The following NUP210 variants were observed in gnomAD, a reference collection of about 807,000 sequenced individuals.
NUP210 encodes the protein nucleoporin 210.
NUP210 carries 151 observed loss-of-function variants against 196.0 expected under a neutral mutation model. That is an observed-to-expected ratio of 0.77 (90% CI 0.67 to 0.88). NUP210 has a LOEUF of 0.88. NUP210 is among the 40% of genes least tolerant of loss of function. NUP210 has a pLI of 0.00. For missense variants in NUP210, 2,314 were observed against 2,493.7 expected (o/e 0.93, Z 1.53); for synonymous variants, 1,070 against 1,052.7 (o/e 1.02, Z -0.32).
chr3:13,395,025 C>G (rs953183593), intron 3 of NUP210, among the ~76,000 whole-genome samples: 2 of 152,116 alleles, frequency 1.3e-5, no homozygotes, highest in African/African-American at 4.8e-5. Context: ...TTGACATGGG[C>G]TACTGGTGAA....
intron 1 of NUP210, among the ~76,000 whole-genome samples, chr3:13,407,421 C>G (rs1207151233): frequency 2.0e-5 from 3 of 152,140 alleles, no homozygotes; most frequent in Admixed American, 6.5e-5. Context: ...GCCCTCCTCA[C>G]AGGCCTCCCA....
At chr3:13,322,059 C>T (rs1031936660) in intron 35 of NUP210, 134 bp downstream of exon 35, 1 of 1,250,544 alleles carries the variant, frequency 8.0e-7, no homozygotes. Flanking sequence ...GGCGTCAATC[C>T]CCAGGCTGGG....
At chr3:13,371,707 T>C (rs528990528) in intron 13 of NUP210, 127 bp downstream of exon 13, 4 of 825,046 alleles carry the variant, frequency 4.8e-6, no homozygotes, top group Non-Finnish European at 7.8e-6. Context: ...ACAACTGCCA[T>C]TCCTTATGTT....
At chr3:13,409,471 G>A (rs1247947553) in intron 1 of NUP210, among the ~76,000 whole-genome samples, 1 of 152,128 alleles carries the variant, frequency 6.6e-6, no homozygotes, top group African/African-American at 2.4e-5. Flanking sequence ...TGACCATGCT[G>A]GTACCATCTT....
At position 13,335,509 on chromosome 3, in the gene NUP210, G is replaced by A. The variant is rs1166335192; in HGVS notation, c.3788C>T (p.Thr1263Ile). The A allele has an allele frequency of 1.2e-6, 2 of 1,614,100 alleles. No individual in the cohort carries two copies. Among genetic ancestry groups the A allele is most frequent in the Non-Finnish European group, 1.7e-6 (2 of 1,180,034 alleles). The change falls in exon 28 of 40, where the codon ACA (threonine) becomes ATA (isoleucine). Residue 1263 changes from threonine (T) to isoleucine (I), a missense_variant. By Grantham distance (89) the Thr-to-Ile change is moderately conservative. Transcript: ENST00000254508. ...LRVVVKAVDP[T>I]SGQLYGLARE... ...GGCCAGGCCATACAGCTGCCCCGAT[G>A]TGGGGTCCACAGCCTTGACCACCAC...
chr3:13,399,665 A>T, intron 2 of NUP210, 60 bp downstream of exon 2: 1 of 1,610,846 alleles, frequency 6.2e-7, no homozygotes, highest in Non-Finnish European at 8.5e-7. Flanking sequence ...CCTGGGTCTT[A>T]GTGGGCGTTT....
At chr3:13,337,060 T>C in intron 26 of NUP210, 142 bp from the exon 27 acceptor site, 1 of 1,039,090 alleles carries the variant, frequency 9.6e-7, no homozygotes, top group South Asian at 1.5e-5. Context: ...GGTTTGGGAA[T>C]TTTGATGAAA....
Position 13,321,987 on chromosome 3 carries a change from C to T in NUP210, c.4916-152G>A, listed in dbSNP as rs556267484. The T allele has an allele frequency of 1.2e-4, 149 of 1,248,768 alleles. No individual in the cohort carries two copies. The East Asian group carries it at 3.4e-3, about 29-fold the overall frequency. The allele number at this position is 1,248,768 out of a possible 1,614,324, so 77.4% of individuals were successfully genotyped here. A position where few individuals can be genotyped will look rare whatever the true frequency, so the allele number is the denominator to read the frequency against. ...CTCCAGGAGTCCTCCTGGGAATCCC[C>T]TATAAAGGCCTTGGCCAAGCTAGGA... On this transcript the variant is annotated intron_variant, in intron 35 of 39. Transcript: ENST00000254508.
rs535350911 is a variant in NUP210, at chr3:13,339,926, G to C, written c.3399C>G (p.Ile1133Met). 15 of 1,613,920 alleles carry C rather than the reference G, an allele frequency of 9.3e-6. No individual in the cohort carries two copies. The highest frequency in any genetic ancestry group is 1.3e-5 in the African/African-American group (1 of 74,936). The change falls in exon 25 of 40, where the codon ATC (isoleucine) becomes ATG (methionine). Residue 1133 changes from isoleucine (I) to methionine (M), a missense_variant. Coordinates refer to ENST00000254508, the MANE Select transcript of NUP210 (RefSeq NM_024923.4). ...CGAGCCCAGACACAGTGCCGTTCCCGATGGCGAGGCCCTGTACCAGCCCAG... is the reference window on the plus strand; with the variant it reads ...CGAGCCCAGACACAGTGCCGTTCCCCATGGCGAGGCCCTGTACCAGCCCAG... ...SAAGLVQGLA[I>M]GNGTVSGLVQ...
At chr3:13,338,768 G>A (rs1319705673) in intron 25 of NUP210, among the ~76,000 whole-genome samples, 2 of 152,136 alleles carry the variant, frequency 1.3e-5, no homozygotes. Context: ...TAGGGCTCGT[G>A]GTGCAGCCCC....
intron 14 of NUP210, among the ~76,000 whole-genome samples, chr3:13,361,254 G>A (rs1236286251): frequency 1.3e-5 from 2 of 152,230 alleles, no homozygotes; most frequent in Admixed American, 6.5e-5. Context: ...CATAGCGGGT[G>A]CTCAGCAATT....
intron 33 of NUP210, among the ~76,000 whole-genome samples, chr3:13,324,288 T>G (rs953661843): frequency 1.3e-5 from 2 of 151,944 alleles, no homozygotes; most frequent in Admixed American, 1.3e-4. Flanking sequence ...GCCCCTCTCC[T>G]GCCTGCACTC....
At chr3:13,391,435 T>A (rs1290758271) in intron 3 of NUP210, 128 bp from the exon 4 acceptor site, 1 of 666,080 alleles carries the variant, frequency 1.5e-6, no homozygotes, top group African/African-American at 1.8e-5. Flanking sequence ...GCAGGTGTCA[T>A]AAACTGTATG....
rs1699030236 is a variant in NUP210 at position 13,379,464 on chromosome 3, CTAT to C, written c.976+96_976+98del. 26 of 1,450,160 alleles carry C rather than the reference CTAT, an allele frequency of 1.8e-5. No homozygotes were observed. The highest frequency in any genetic ancestry group is 2.5e-5 in the Non-Finnish European group (26 of 1,040,522). The allele number at this position is 1,450,160 out of a possible 1,614,324, so 89.8% of individuals were successfully genotyped here. On this transcript the variant is annotated intron_variant, in intron 7 of 39. Coordinates refer to ENST00000254508, the MANE Select transcript of NUP210 (RefSeq NM_024923.4). The surrounding 1 kb of genome is among the most constrained non-coding windows in gnomAD (Gnocchi z 4.2). Reference sequence around the variant, plus strand: ...TTTTCAGACCGTTGAGGGGAAACGGCTATTTTTAGCCCTGCCGAGCTTTCAGGG... The same window carrying C: ...TTTTCAGACCGTTGAGGGGAAACGGCTTTTAGCCCTGCCGAGCTTTCAGGG...
chr3:13,358,454 C>A (rs1424668435), intron 15 of NUP210, 59 bp from the exon 16 acceptor site: 5 of 1,496,280 alleles, frequency 3.3e-6, no homozygotes, highest in Non-Finnish European at 4.5e-6. Context: ...CCTCTCTGAG[C>A]TATGCCACAC....
chr3:13,327,595 G>A (rs1016367718), intron 31 of NUP210, among the ~76,000 whole-genome samples, 158 bp from the exon 32 acceptor site: 1 of 152,230 alleles, frequency 6.6e-6, no homozygotes, highest in African/African-American at 2.4e-5. Context: ...AGTGGCCCCA[G>A]ATGAGGGACC....
intron 2 of NUP210, among the ~76,000 whole-genome samples, chr3:13,398,340 G>C (rs1212090455): frequency 6.6e-6 from 1 of 152,110 alleles, no homozygotes; most frequent in Middle Eastern, 3.2e-3. Flanking sequence ...CTACTTGGGA[G>C]GCTGAGGCAG....
At chr3:13,335,053 C>A (rs962051993) in intron 28 of NUP210, among the ~76,000 whole-genome samples, 1 of 152,224 alleles carries the variant, frequency 6.6e-6, no homozygotes, top group South Asian at 2.1e-4. Flanking sequence ...TACTGAAAAA[C>A]GTGCAAGGGC....
chr3:13,355,823 C>A (rs1698154734), intron 16 of NUP210, among the ~76,000 whole-genome samples: 1 of 152,214 alleles, frequency 6.6e-6, no homozygotes, highest in South Asian at 2.1e-4. Context: ...CAGATGCAAT[C>A]CTGGCTGGAA....
Sources: allele counts gnomAD v4.1 joint callset (sites outside exome capture counted in the v4.1 genomes callset), GRCh38; gene constraint gnomAD v4.1.1; non-coding constraint Gnocchi (gnomAD v3.1); transcripts MANE v1.5; gene names NCBI Gene and HGNC (gene_info 2026-07-23, HGNC 2026-07-21).